Variants in GOLGA4 observed in about 807,000 individuals in gnomAD.
The protein encoded by GOLGA4 is golgin subfamily A member 4.
GOLGA4 carries 169 observed loss-of-function variants against 265.9 expected under a neutral mutation model. That is an observed-to-expected ratio of 0.64 (90% CI 0.56 to 0.72). The LOEUF is 0.72. Among genes scored for constraint, GOLGA4 ranks in the 30% least tolerant of loss-of-function variants. The pLI is 0.00. For missense variants in GOLGA4, 2,482 were observed against 2,483.4 expected, an observed-to-expected ratio of 1.00 and a Z score of 0.01; for synonymous variants, 923 against 855.8, an observed-to-expected ratio of 1.08 and a Z score of -1.37.
chr3:37,272,278 T>A (rs1448043507), intron 2 of GOLGA4, among the ~76,000 whole-genome samples: 1 of 151,998 alleles, frequency 6.6e-6, no homozygotes, highest in South Asian at 2.1e-4. Flanking sequence ...TGGTTGGGCA[T>A]GGTGGCTCAC....
Position 37,247,123 on chromosome 3 carries a change from T to C in GOLGA4, c.72+3501T>C, listed in dbSNP as rs530538672. ...TGATGAAAGGCTTTAATAAGTTTGG[T>C]ACCTAAAATATAAAGGTTTATTTGA... On this transcript the variant is annotated intron_variant, in intron 1 of 23. Coordinates refer to ENST00000361924, the MANE Select transcript of GOLGA4 (RefSeq NM_002078.5). 2.0e-3 allele frequency among the ~76,000 whole-genome samples: 309 copies of C among 152,324 alleles called. 2 individuals are homozygous for C. Among genetic ancestry groups the C allele is most frequent in the Non-Finnish European group, 3.9e-3 (263 of 68,018 alleles).
chr3:37,287,493 A>G (rs1397287875), intron 4 of GOLGA4: 1 of 152,270 alleles, frequency 6.6e-6, no homozygotes, highest in Non-Finnish European at 1.5e-5. Context: ...TGCTTATACT[A>G]GCTAACATTT....
rs529148405 is a variant in GOLGA4, at chr3:37,266,493, C to T, written c.162+15009C>T. On this transcript the variant is annotated intron_variant, in intron 2 of 23. Transcript: ENST00000361924. ...GATTACAGGCCTGAGCCACTGCGCC[C>T]GGCCCATGTATTGTTGTTAATTGGT... Among the ~76,000 whole-genome samples, 9 of 152,256 alleles carry T rather than the reference C, an allele frequency of 5.9e-5. No homozygotes were observed. In the South Asian group the frequency reaches 8.3e-4, roughly 14 times the overall value.
chr3:37,250,617 C>A (rs749604573), intron 1 of GOLGA4: 2 of 152,122 alleles, frequency 1.3e-5, no homozygotes, highest in Non-Finnish European at 2.9e-5. Flanking sequence ...GGTAAGATAT[C>A]ATGACTCATT....
chr3:37,296,990 A>G (rs1189568360), intron 7 of GOLGA4, among the ~76,000 whole-genome samples: 1 of 152,232 alleles, frequency 6.6e-6, no homozygotes, highest in Non-Finnish European at 1.5e-5. Context: ...ATTTCATATG[A>G]ACAGGTCAGT....
intron 22 of GOLGA4, among the ~76,000 whole-genome samples, chr3:37,357,977 A>G (rs1470690116): frequency 1.3e-5 from 2 of 152,140 alleles, no homozygotes; most frequent in East Asian, 3.8e-4. Context: ...CTATGGTTTC[A>G]CTTCTATTAA....
At chr3:37,306,309 T>G (rs1449909586) in intron 10 of GOLGA4, among the ~76,000 whole-genome samples, 1 of 152,214 alleles carries the variant, frequency 6.6e-6, no homozygotes, top group East Asian at 1.9e-4. Context: ...GTTGATAGTG[T>G]TTCTTTCTAG....
intron 2 of GOLGA4, among the ~76,000 whole-genome samples, chr3:37,255,876 G>A (rs779683624): frequency 5.3e-5 from 8 of 150,764 alleles, no homozygotes; most frequent in Admixed American, 4.6e-4. Flanking sequence ...CCTTGGCCTC[G>A]TAAAGTGCTG....
chr3:37,256,790 A>T (rs1479724595), intron 2 of GOLGA4, among the ~76,000 whole-genome samples: 1 of 152,136 alleles, frequency 6.6e-6, no homozygotes, highest in Non-Finnish European at 1.5e-5. Context: ...GGGCAAATGA[A>T]GCTAACATCC....
At position 37,243,299 on chromosome 3, in the gene GOLGA4, C is replaced by T. The variant is rs2096707735; in HGVS notation, c.-252C>T. On this transcript the variant is annotated 5_prime_UTR_variant, in exon 1 of 24. Coordinates refer to ENST00000361924, the MANE Select transcript of GOLGA4 (RefSeq NM_002078.5). ...TCACCTGCTGCCGTTGTCGTCGCCG[C>T]CGCGGCTCCCGGGGCTGGATGGGGG... The T allele has an allele frequency of 1.8e-6, 1 of 546,858 alleles. No homozygotes were observed. The highest frequency in any genetic ancestry group is 2.3e-5 in the South Asian group (1 of 43,162). 33.9% of individuals were successfully genotyped at this position (546,858 alleles called of 1,614,324 possible).
intron 2 of GOLGA4, among the ~76,000 whole-genome samples, chr3:37,262,285 C>A (rs2096771760): frequency 6.6e-6 from 1 of 152,064 alleles, no homozygotes; most frequent in Non-Finnish European, 1.5e-5. Context: ...GCGGGCAGAT[C>A]ACTTGAGGCC....
At chr3:37,248,704 A>G (rs1205949016) in intron 1 of GOLGA4, among the ~76,000 whole-genome samples, 1 of 151,998 alleles carries the variant, frequency 6.6e-6, no homozygotes, top group Non-Finnish European at 1.5e-5. Context: ...GAATCTGTTA[A>G]ACTTTGTAAA....
chr3:37,272,003 C>G (rs1020599737), intron 2 of GOLGA4, among the ~76,000 whole-genome samples: 1 of 152,170 alleles, frequency 6.6e-6, no homozygotes, highest in African/African-American at 2.4e-5. Flanking sequence ...GATGATCTGT[C>G]ACTGTCTCCC....
chr3:37,326,783 A>C lies in GOLGA4; in HGVS notation c.4897A>C (p.Ser1633Arg). Residue 1633 changes from serine (S) to arginine (R), a missense_variant, in exon 14 of 24, where the codon AGT becomes CGT. Ser to Arg is a moderately radical substitution (Grantham distance 110). Coordinates refer to ENST00000361924, the MANE Select transcript of GOLGA4 (RefSeq NM_002078.5). ...KALEDRLESE[S>R]AAKLAELKRK... The stretch of plus-strand genomic sequence containing the variant: ...ATTGGAAGATAGGCTTGAGTCAGAA[A>C]GTGCTGCAAAATTAGCAGAGTTGAA... The C allele has an allele frequency of 6.2e-7, 1 of 1,613,850 alleles. No individual in the cohort carries two copies. The highest frequency in any genetic ancestry group is 8.5e-7 in the Non-Finnish European group (1 of 1,179,796).
chr3:37,306,171 C>G (rs907017803), intron 10 of GOLGA4, among the ~76,000 whole-genome samples: 1 of 152,156 alleles, frequency 6.6e-6, no homozygotes, highest in Non-Finnish European at 1.5e-5. Context: ...AGTCTCCTCT[C>G]TAGTAGAAAT....
At position 37,281,980 on chromosome 3, in the gene GOLGA4, C is replaced by G. The variant is rs1559378060; in HGVS notation, c.185C>G (p.Ala62Gly). The change falls in exon 3 of 24, where the codon GCA (alanine) becomes GGA (glycine). Residue 62 changes from alanine (A) to glycine (G), a missense_variant. By Grantham distance (60) the Ala-to-Gly change is moderately conservative. Around this residue, in one of 3 missense-constraint regions of GOLGA4, gnomAD observed 1,536 missense variants for 1,483.7 expected, o/e 1.04. Transcript: ENST00000361924. ...CAGTCAGGTGACACACAGTCTTTTG[C>G]ACAGAAGCTCCAGCTCCGGGTGCCC... ...NRESGDTQSF[A>G]QKLQLRVPSV... The G allele has an allele frequency of 6.2e-7, 1 of 1,613,440 alleles. No individual in the cohort carries two copies. Among genetic ancestry groups the G allele is most frequent in the East Asian group, 2.2e-5 (1 of 44,876 alleles).
intron 2 of GOLGA4, 133 bp downstream of exon 2, chr3:37,251,617 C>T: frequency 2.0e-6 from 1 of 509,560 alleles, no homozygotes; most frequent in Non-Finnish European, 3.5e-6. Context: ...ATTAGTAACA[C>T]AATTGGTCTT....
intron 2 of GOLGA4, chr3:37,275,854 C>T: frequency 6.2e-7 from 1 of 1,613,722 alleles, no homozygotes. Context: ...ATGCTATTCG[C>T]AAGCAGAGTA....
Position 37,243,530 on chromosome 3 carries a change from G to C in GOLGA4, c.-21G>C, listed in dbSNP as rs1251713885. ...GCCCTTCAGGTTTCGTTGACACTCA[G>C]GACCGTACGTACGCTGCGCCATGTT... On this transcript the variant is annotated 5_prime_UTR_variant, in exon 1 of 24. Coordinates refer to ENST00000361924, the MANE Select transcript of GOLGA4 (RefSeq NM_002078.5). The C allele has an allele frequency of 6.2e-7, 1 of 1,612,756 alleles. No individual in the cohort carries two copies. Among genetic ancestry groups the C allele is most frequent in the Admixed American group, 1.7e-5 (1 of 60,032 alleles).
Sources: allele counts gnomAD v4.1 joint callset (sites outside exome capture counted in the v4.1 genomes callset), GRCh38; gene constraint gnomAD v4.1.1; regional missense constraint gnomAD v4.1.1; transcripts MANE v1.5; gene names NCBI Gene and HGNC (gene_info 2026-07-23, HGNC 2026-07-21).